The following KLHL13 variants were observed in gnomAD, a reference collection of about 807,000 sequenced individuals.
KLHL13 encodes kelch-like protein 13.
Under a neutral mutation model 37.1 loss-of-function variants are expected in KLHL13, and 10 were observed. The ratio of observed to expected loss-of-function variants is 0.27; its 90% CI spans 0.17 to 0.46. The LOEUF (loss-of-function observed/expected upper bound fraction) is 0.46. KLHL13 is among the 20% of genes least tolerant of loss of function. KLHL13 has a pLI of 1.00. For missense variants in KLHL13, 360 were observed against 509.3 expected (o/e 0.71, Z 2.82); for synonymous variants, 163 against 181.2 (o/e 0.90, Z 0.81).
intron 1 of KLHL13, among the ~76,000 whole-genome samples, chrX:118,092,616 A>G (rs890303420): frequency 8.9e-6 from 1 of 112,041 alleles, no homozygotes; most frequent in South Asian, 3.7e-4. Context: ...AGGAAGAAAG[A>G]ACATGGTAAG....
At chrX:117,909,826 T>C in exon 5 of KLHL13, 1 of 1,211,982 alleles carries the variant, frequency 8.3e-7, no homozygotes, top group Non-Finnish European at 1.1e-6. Flanking sequence ...AATCGTATGT[T>C]CTTCATTAAT....
At position 117,909,680 on chromosome X, in the gene KLHL13, C is replaced by CTGCA; in HGVS notation, c.983_986dup (p.Gln329HisfsTer9). The CTGCA allele has an allele frequency of 8.3e-7, 1 of 1,211,959 alleles. No homozygotes were observed. Among genetic ancestry groups the CTGCA allele is most frequent in the Non-Finnish European group, 1.1e-6 (1 of 895,566 alleles). On this transcript the variant is annotated frameshift_variant, in exon 5 of 7. Coordinates refer to ENST00000262820, the Ensembl canonical transcript of KLHL13. LOFTEE classifies it high-confidence loss of function. ...CAGACCTAATGGCAGTCCTGTCTGA[C>CTGCA]TGCATAACTGGCTGCATATATGGCA...
In KLHL13 at chrX:118,079,968, A is replaced by T. The variant is rs141930862; in HGVS notation, c.-56+36540T>A. Among the ~76,000 whole-genome samples, 938 of 111,605 alleles carry T rather than the reference A, an allele frequency of 8.4e-3. 8 individuals carry two copies. The highest frequency in any genetic ancestry group is 0.029 in the African/African-American group (905 of 30,731). ...ATGGAACAGAACAGAAAACTCAGAA[A>T]TAAAGCCACACACCTACAACCATCA... On this transcript the variant is annotated intron_variant, in intron 1 of 6. Coordinates refer to the KLHL13 transcript ENST00000371882.
chrX:118,035,544 C>A (rs781696499), intron 1 of KLHL13, among the ~76,000 whole-genome samples: 1 of 108,415 alleles, frequency 9.2e-6, no homozygotes, highest in Non-Finnish European at 1.9e-5. Flanking sequence ...ATTCAACAAC[C>A]CTTCATGCTA....
intron 1 of KLHL13, among the ~76,000 whole-genome samples, chrX:118,015,660 G>T (rs1429517738): frequency 9.0e-6 from 1 of 110,938 alleles, no homozygotes; most frequent in East Asian, 2.8e-4. Context: ...TATAAAACAT[G>T]CAACATTACT....
intron 1 of KLHL13, among the ~76,000 whole-genome samples, chrX:118,020,908 G>A (rs1012003578): frequency 8.0e-5 from 8 of 100,331 alleles, no homozygotes; most frequent in Non-Finnish European, 1.4e-4. Context: ...ACCAAACACC[G>A]CATATTCTCA....
At chrX:117,922,310 A>C (rs1343663627) in intron 2 of KLHL13, among the ~76,000 whole-genome samples, 1 of 111,460 alleles carries the variant, frequency 9.0e-6, no homozygotes, top group Non-Finnish European at 1.9e-5. Context: ...CACCTTTCAA[A>C]TGTAGAGTAT....
rs188024262 is a variant in KLHL13 at position 117,924,257 on chromosome X, C to T, written c.241-3887G>A. Among the ~76,000 whole-genome samples the T allele has an allele frequency of 1.5e-3, 164 of 112,156 alleles. 1 individual carries two copies. The highest frequency in any genetic ancestry group is 5.1e-3 in the African/African-American group (159 of 30,950). ...TAAAGAGAAGCTCCTTCTGACTATA[C>T]ACATTGTTGTGTACAAGAAGGCAGT... On this transcript the variant is annotated intron_variant, in intron 2 of 6. Coordinates refer to ENST00000262820, the Ensembl canonical transcript of KLHL13.
intron 1 of KLHL13, among the ~76,000 whole-genome samples, chrX:118,045,946 C>A (rs1039654842): frequency 8.9e-6 from 1 of 112,180 alleles, no homozygotes; most frequent in African/African-American, 3.2e-5. Flanking sequence ...GTTGGTGGAA[C>A]GTAAATTAGT....
intron 4 of KLHL13, among the ~76,000 whole-genome samples, chrX:117,913,802 C>T (rs1420224312): frequency 1.9e-5 from 2 of 106,013 alleles, no homozygotes; most frequent in Non-Finnish European, 3.9e-5. Flanking sequence ...AAGACCGCAC[C>T]ACTGCACTCC....
At chrX:117,908,382 A>T (rs189662178) in intron 5 of KLHL13, among the ~76,000 whole-genome samples, 1 of 108,556 alleles carries the variant, frequency 9.2e-6, no homozygotes, top group Non-Finnish European at 1.9e-5. Flanking sequence ...TCCTAATGCT[A>T]TCCCTCCCCT....
At chrX:118,032,907 G>A (rs1360853085) in intron 1 of KLHL13, among the ~76,000 whole-genome samples, 1 of 111,663 alleles carries the variant, frequency 9.0e-6, no homozygotes, top group Admixed American at 9.5e-5. Flanking sequence ...GGAGCTGATG[G>A]AGCTGAAAAC....
chrX:118,028,477 C>T (rs1238007277), intron 1 of KLHL13: 6 of 1,105,190 alleles, frequency 5.4e-6, no homozygotes, highest in Admixed American at 2.6e-5. Flanking sequence ...GATCCATCAC[C>T]TCTAAAAGTT....
At chrX:117,912,802 A>G (rs1349435581) in intron 4 of KLHL13, among the ~76,000 whole-genome samples, 2 of 111,762 alleles carry the variant, frequency 1.8e-5, no homozygotes, top group Admixed American at 9.5e-5. Context: ...TGGGGTACCC[A>G]AGACTAAGTA....
At chrX:117,901,923 T>C (rs764207793) in exon 6 of KLHL13, 1 of 1,173,145 alleles carries the variant, frequency 8.5e-7, no homozygotes, top group Non-Finnish European at 1.2e-6. Context: ...TCATTTGTTC[T>C]TGGATTGTAA....
intron 4 of KLHL13, among the ~76,000 whole-genome samples, chrX:117,913,997 C>G (rs186502159): frequency 1.8e-5 from 2 of 111,015 alleles, no homozygotes; most frequent in Non-Finnish European, 3.8e-5. Context: ...AAACAACAGT[C>G]ATAGTCATCC....
chrX:117,930,218 AAGGAAGGAAGGAAGGAAGGAAGGG>A (rs1427470687), intron 2 of KLHL13, among the ~76,000 whole-genome samples: 34 of 82,228 alleles, frequency 4.1e-4, no homozygotes, highest in African/African-American at 7.7e-4. Context: ...GAAAAGGAAG[AAGGAAGGAAGGAAGGAAGGAAGGG>A]AGGAAGGAAG....
intron 1 of KLHL13, among the ~76,000 whole-genome samples, chrX:118,002,970 A>G (rs981161421): frequency 8.9e-6 from 1 of 112,358 alleles, no homozygotes; most frequent in Non-Finnish European, 1.9e-5. Flanking sequence ...GTAATCGCAC[A>G]CTACCACAGA....
At chrX:118,069,889 A>AT (rs1446495618) in intron 1 of KLHL13, among the ~76,000 whole-genome samples, 1 of 111,542 alleles carries the variant, frequency 9.0e-6, no homozygotes, top group African/African-American at 3.2e-5. Flanking sequence ...ACTGACACCC[A>AT]TAACAACTTT....
Sources: allele counts gnomAD v4.1 joint callset (sites outside exome capture counted in the v4.1 genomes callset), GRCh38; gene constraint gnomAD v4.1.1; transcripts MANE v1.5; gene names NCBI Gene and HGNC (gene_info 2026-07-23, HGNC 2026-07-21).